SH3PXD2B: variants seen among roughly 807,000 people sequenced by gnomAD.
SH3PXD2B encodes SH3 and PX domain-containing protein 2B.
Under a neutral mutation model 73.1 loss-of-function variants are expected in SH3PXD2B, and 37 were observed. The ratio of observed to expected loss-of-function variants is 0.51; its 90% CI spans 0.39 to 0.67. The LOEUF is 0.67. Ranked by LOEUF, SH3PXD2B falls within the 30% of genes least tolerant of loss-of-function variation. The pLI, the probability that SH3PXD2B is intolerant of heterozygous loss-of-function variation, is 0.00. For missense variants in SH3PXD2B, 1,053 were observed against 1,197.8 expected (o/e 0.88, Z 1.78); for synonymous variants, 457 against 480.5 (o/e 0.95, Z 0.64).
intron 7 of SH3PXD2B, among the ~76,000 whole-genome samples, chr5:172,361,138 T>C (rs1181722406): frequency 6.6e-6 from 1 of 152,046 alleles, no homozygotes; most frequent in Non-Finnish European, 1.5e-5. Context: ...TTTGTATATG[T>C]ACAAGTATAT....
chr5:172,451,286 G>A (rs981466300), intron 1 of SH3PXD2B, among the ~76,000 whole-genome samples: 9 of 152,206 alleles, frequency 5.9e-5, no homozygotes, highest in Admixed American at 1.3e-4. Context: ...TGGGGAGAGG[G>A]GTAGTGGGAA....
At chr5:172,370,213 A>C (rs2731716) in intron 6 of SH3PXD2B, among the ~76,000 whole-genome samples, 72,651 of 151,912 alleles carry the variant, frequency 0.48, 18,166 homozygotes, top group East Asian at 0.71. Context: ...CTCCTTCTTG[A>C]CTATAAGTAG....
At chr5:172,439,700 A>ACACG (rs1561584028) in intron 1 of SH3PXD2B, among the ~76,000 whole-genome samples, 48 of 123,472 alleles carry the variant, frequency 3.9e-4, no homozygotes, top group Non-Finnish European at 7.0e-4. Context: ...GCGCACACAC[A>ACACG]CACACACACA....
chr5:172,434,411 G>T (rs1224994809), intron 1 of SH3PXD2B, among the ~76,000 whole-genome samples: 1 of 152,136 alleles, frequency 6.6e-6, no homozygotes, highest in African/African-American at 2.4e-5. Flanking sequence ...CACTGGCCCA[G>T]ATCTCTGCAA....
intron 4 of SH3PXD2B, among the ~76,000 whole-genome samples, chr5:172,386,273 C>T (rs1758058327): frequency 1.3e-5 from 2 of 152,182 alleles, no homozygotes; most frequent in African/African-American, 4.8e-5. Flanking sequence ...CATATATTAG[C>T]TGCTTGATGG....
At chr5:172,387,779 A>C (rs1240723294) in intron 4 of SH3PXD2B, among the ~76,000 whole-genome samples, 2 of 152,212 alleles carry the variant, frequency 1.3e-5, no homozygotes, top group Non-Finnish European at 2.9e-5. Context: ...CTTTTGATGA[A>C]CAGAAGTTCT....
intron 5 of SH3PXD2B, among the ~76,000 whole-genome samples, chr5:172,376,306 C>T (rs754145400): frequency 3.3e-5 from 5 of 152,062 alleles, no homozygotes; most frequent in African/African-American, 4.8e-5. Flanking sequence ...TGGGATTACA[C>T]GTATGAGCCA....
chr5:172,447,922 C>T (rs896630744), intron 1 of SH3PXD2B, among the ~76,000 whole-genome samples: 2 of 151,988 alleles, frequency 1.3e-5, no homozygotes, highest in East Asian at 3.9e-4. Context: ...CATGGTTGAC[C>T]AGGTCCCTAG....
In SH3PXD2B at chr5:172,353,966, T is replaced by G; in HGVS notation, c.707A>C (p.Asp236Ala). ...YTVIYPYTAR[D>A]QDEMNLERGA... is the part of the protein sequence containing the mutation. Reference sequence around the variant, plus strand: ...TCTCTCCAGGTTCATTTCATCCTGGTCCCGAGCTGTGTACGGGTAGATGAC... The same window carrying G: ...TCTCTCCAGGTTCATTTCATCCTGGGCCCGAGCTGTGTACGGGTAGATGAC... Residue 236 changes from aspartate (D) to alanine (A), a missense_variant, in exon 9 of 13, where the codon GAC becomes GCC. Coordinates refer to ENST00000311601, the MANE Select transcript of SH3PXD2B (RefSeq NM_001017995.3). This position sits in a 1 kb window ranked among gnomAD's most constrained non-coding sequence, Gnocchi z 4.3. The G allele has an allele frequency of 6.2e-7, 1 of 1,614,094 alleles. No individual in the cohort carries two copies. The highest frequency in any genetic ancestry group is 8.5e-7 in the Non-Finnish European group (1 of 1,180,034).
intron 1 of SH3PXD2B, among the ~76,000 whole-genome samples, chr5:172,448,712 A>G (rs1209499835): frequency 6.6e-6 from 1 of 152,248 alleles, no homozygotes; most frequent in Non-Finnish European, 1.5e-5. Flanking sequence ...CAATCGTCCC[A>G]GAAGGAAGTC....
chr5:172,399,750 C>T (rs1486259532), intron 3 of SH3PXD2B, among the ~76,000 whole-genome samples: 3 of 152,212 alleles, frequency 2.0e-5, no homozygotes, highest in South Asian at 2.1e-4. Context: ...CACTCAATCT[C>T]GCTTACACTG....
chr5:172,371,406 T>C (rs1168976358), intron 6 of SH3PXD2B, among the ~76,000 whole-genome samples: 3 of 152,212 alleles, frequency 2.0e-5, no homozygotes, highest in African/African-American at 7.2e-5. Context: ...CAGCCATGAC[T>C]GGGAAACGCC....
chr5:172,349,364 C>T lies in SH3PXD2B; in HGVS notation c.1012+999G>A, dbSNP rs373886799. ...CCAAGACAGGATCATGGGCACTGTG[C>T]GTAAGTCCTGGGCACCAGCGTGCCC... On this transcript the variant is annotated intron_variant, in intron 10 of 12. Coordinates refer to ENST00000311601, the MANE Select transcript of SH3PXD2B (RefSeq NM_001017995.3). Among the ~76,000 whole-genome samples the T allele has an allele frequency of 1.2e-3, 188 of 152,276 alleles. 1 individual carries two copies. The Middle Eastern group carries it at 0.017, about 14-fold the overall frequency.
Position 172,338,176 on chromosome 5 carries a change from T to C in SH3PXD2B, c.*193A>G. On this transcript the variant is annotated 3_prime_UTR_variant, in exon 13 of 13. Transcript: ENST00000311601. This position sits in a 1 kb window ranked among gnomAD's most constrained non-coding sequence, Gnocchi z 5.1. ...TTCTGAGCCTCCAGTGATGCTGTGA[T>C]AGGAGGGATCAGGCCCAGGGGCGCC... The C allele has an allele frequency of 6.8e-7, 1 of 1,473,366 alleles. No homozygotes were observed. The highest frequency in any genetic ancestry group is 9.0e-7 in the Non-Finnish European group (1 of 1,116,662). 91.3% of individuals were successfully genotyped at this position (1,473,366 alleles called of 1,614,324 possible).
At chr5:172,384,605 G>A (rs1057456648) in intron 4 of SH3PXD2B, among the ~76,000 whole-genome samples, 4 of 152,152 alleles carry the variant, frequency 2.6e-5, no homozygotes, top group African/African-American at 9.7e-5. Flanking sequence ...GAATCATACA[G>A]TGTTTGTCTT....
intron 10 of SH3PXD2B, among the ~76,000 whole-genome samples, chr5:172,347,755 G>C (rs1304316995): frequency 2.0e-5 from 3 of 152,160 alleles, no homozygotes; most frequent in Non-Finnish European, 4.4e-5. Context: ...GTGTCACCCA[G>C]GGCAGCGGTG....
Position 172,374,092 on chromosome 5 carries a change from G to T in SH3PXD2B, c.402-277C>A, listed in dbSNP as rs372510916. On this transcript the variant is annotated intron_variant, in intron 5 of 12. Coordinates refer to ENST00000311601, the MANE Select transcript of SH3PXD2B (RefSeq NM_001017995.3). ...CCCTGGGGAGGAGCCGAAGGGGATT[G>T]CAGTTTGAAAATAGGAGTTAGGTCC... 4.6e-5 allele frequency among the ~76,000 whole-genome samples: 7 copies of T among 152,196 alleles called. No individual in the cohort carries two copies. The South Asian group carries it at 1.4e-3, about 32-fold the overall frequency.
In SH3PXD2B at chr5:172,333,536, TATTTAA is replaced by T. The variant is rs1485969296; in HGVS notation, c.*4827_*4832del. 9.3e-5 allele frequency: 105 copies of T among 1,126,284 alleles called. No individual in the cohort carries two copies. Among genetic ancestry groups the T allele is most frequent in the Admixed American group, 2.1e-4 (4 of 19,152 alleles). 69.8% of individuals were successfully genotyped at this position (1,126,284 alleles called of 1,614,324 possible). ...CTTGAAACCAGTCAAGCACTTTTTT[TATTTAA>T]AAAAAAAAAAAGGAAAGAAGTCAAA... On this transcript the variant is annotated 3_prime_UTR_variant, in exon 13 of 13. Transcript: ENST00000311601.
At chr5:172,440,006 TC>T (rs1331928820) in intron 1 of SH3PXD2B, among the ~76,000 whole-genome samples, 4 of 152,270 alleles carry the variant, frequency 2.6e-5, no homozygotes, top group Non-Finnish European at 5.9e-5. Flanking sequence ...GAGCCCAGGC[TC>T]AGCCGGAACC....
Sources: gnomAD v4.1 joint callset for allele counts (sites outside exome capture counted in the v4.1 genomes callset) on GRCh38, gnomAD v4.1.1 for gene constraint, Gnocchi (gnomAD v3.1) non-coding constraint, MANE v1.5 for transcripts, NCBI Gene and HGNC (gene_info 2026-07-23, HGNC 2026-07-21) for gene names.